Variants in IL1RAPL1 observed in about 807,000 individuals in gnomAD.
IL1RAPL1 encodes the protein interleukin-1 receptor accessory protein-like 1.
Under a neutral mutation model 48.4 loss-of-function variants are expected in IL1RAPL1, and 3 were observed. The ratio of observed to expected loss-of-function variants is 0.06; its 90% CI spans 0.03 to 0.16. The LOEUF (loss-of-function observed/expected upper bound fraction) is 0.16. Among genes scored for constraint, IL1RAPL1 ranks in the 10% least tolerant of loss-of-function variants. The pLI, the probability that IL1RAPL1 is intolerant of heterozygous loss-of-function variation, is 1.00. For synonymous variants in IL1RAPL1, 185 were observed against 187.7 expected, an observed-to-expected ratio of 0.99 and a Z score of 0.12; for missense variants, 349 against 530.6, an observed-to-expected ratio of 0.66 and a Z score of 3.36.
chrX:29,035,859 T>C (rs948820627), intron 2 of IL1RAPL1, among the ~76,000 whole-genome samples: 1 of 111,898 alleles, frequency 8.9e-6, no homozygotes, highest in Non-Finnish European at 1.9e-5. Context: ...CCAAAGCCCG[T>C]GGTGGAAATT....
intron 1 of IL1RAPL1, among the ~76,000 whole-genome samples, chrX:28,645,265 T>G (rs1173449072): frequency 1.0e-5 from 1 of 99,025 alleles, no homozygotes; most frequent in Non-Finnish European, 2.0e-5. Flanking sequence ...GAGAATTGCT[T>G]GAACCCAGGA....
At chrX:29,260,637 A>G (rs921081873) in intron 2 of IL1RAPL1, among the ~76,000 whole-genome samples, 2 of 111,813 alleles carry the variant, frequency 1.8e-5, no homozygotes, top group Non-Finnish European at 3.8e-5. Flanking sequence ...CACACCAATC[A>G]CGTCGGTAAG....
intron 2 of IL1RAPL1, among the ~76,000 whole-genome samples, chrX:29,069,628 A>AACACACACAC (rs56373899): frequency 0.11 from 8,800 of 83,536 alleles, 589 homozygotes; most frequent in Non-Finnish European, 0.15. Flanking sequence ...TTTCCTATAG[A>AACACACACAC]ACACACACAC....
chrX:29,496,469 CTTTTT>C (rs60141942), intron 5 of IL1RAPL1, among the ~76,000 whole-genome samples: 1 of 73,284 alleles, frequency 1.4e-5, no homozygotes, highest in African/African-American at 5.3e-5. Context: ...TTTCTTATTC[CTTTTT>C]TTTTTTTTTT....
intron 2 of IL1RAPL1, among the ~76,000 whole-genome samples, chrX:28,909,162 G>A (rs939003575): frequency 9.0e-6 from 1 of 111,430 alleles, no homozygotes; most frequent in African/African-American, 3.2e-5. Context: ...TTTAATTGGT[G>A]TATTTTGACC....
chrX:28,733,136 T>TTA (rs759306785), intron 1 of IL1RAPL1, among the ~76,000 whole-genome samples: 3,225 of 107,669 alleles, frequency 0.03, 132 homozygotes, highest in African/African-American at 0.1. Context: ...GCACACACAG[T>TTA]TATATATATA....
At chrX:29,647,602 G>C (rs1347838778) in intron 5 of IL1RAPL1, among the ~76,000 whole-genome samples, 1 of 111,240 alleles carries the variant, frequency 9.0e-6, no homozygotes, top group African/African-American at 3.3e-5. Flanking sequence ...CTTATAAAAT[G>C]TTTTTGTAAG....
In IL1RAPL1 at chrX:29,802,901, ATGTG is replaced by A. The variant is rs371073969; in HGVS notation, c.779-114561_779-114558del. On this transcript the variant is annotated intron_variant, in intron 6 of 10. Coordinates refer to ENST00000378993, the MANE Select transcript of IL1RAPL1 (RefSeq NM_014271.4). ...TATATGTATATATGTATACATATATATGTGTATATATGTGTACATATATACATAT... is the reference window on the plus strand; with the variant it reads ...TATATGTATATATGTATACATATATATATATATGTGTACATATATACATAT... 3.1e-3 allele frequency among the ~76,000 whole-genome samples: 98 copies of A among 31,614 alleles called. 4 individuals carry two copies. Among genetic ancestry groups the A allele is most frequent in the African/African-American group, 6.8e-3 (47 of 6,895 alleles). The allele number at this position is 31,614 out of a possible 115,157, so 27.5% of individuals were successfully genotyped here.
intron 6 of IL1RAPL1, among the ~76,000 whole-genome samples, chrX:29,770,704 G>A (rs1411831517): frequency 1.8e-5 from 2 of 112,246 alleles, no homozygotes; most frequent in Middle Eastern, 4.6e-3. Flanking sequence ...GCTAAAGAGC[G>A]TCTGTTACCA....
intron 5 of IL1RAPL1, among the ~76,000 whole-genome samples, chrX:29,517,397 A>G (rs1283893137): frequency 4.5e-5 from 5 of 110,490 alleles, no homozygotes; most frequent in African/African-American, 1.6e-4. Context: ...TCAGCTATCG[A>G]CCTAAACATG....
At chrX:29,629,265 C>A (rs1300188106) in intron 5 of IL1RAPL1, among the ~76,000 whole-genome samples, 1 of 110,923 alleles carries the variant, frequency 9.0e-6, no homozygotes, top group African/African-American at 3.3e-5. Context: ...TTGTCAAAGG[C>A]AGAGAAAAAA....
intron 2 of IL1RAPL1, among the ~76,000 whole-genome samples, chrX:28,955,945 T>A (rs1319107234): frequency 1.0e-5 from 1 of 95,887 alleles, no homozygotes; most frequent in Non-Finnish European, 2.1e-5. Flanking sequence ...TTTATTTCCT[T>A]GAGCAGTGGT....
intron 6 of IL1RAPL1, among the ~76,000 whole-genome samples, chrX:29,777,823 TAATCTTTTTTTACTTGGTAA>T (rs1454665143): frequency 2.4e-4 from 27 of 111,155 alleles, no homozygotes; most frequent in African/African-American, 8.8e-4. Flanking sequence ...TTGTTAATTT[TAATCTTTTTTTACTTGGTAA>T]AAATGCTTTC....
chrX:29,016,453 A>G (rs945991331), intron 2 of IL1RAPL1, among the ~76,000 whole-genome samples: 4 of 111,555 alleles, frequency 3.6e-5, no homozygotes, highest in Non-Finnish European at 5.7e-5. Flanking sequence ...AATCTTCTTA[A>G]AATTCCATAT....
chrX:29,772,410 C>T (rs767277584), intron 6 of IL1RAPL1, among the ~76,000 whole-genome samples: 1 of 110,820 alleles, frequency 9.0e-6, no homozygotes, highest in South Asian at 3.8e-4. Flanking sequence ...ATATCACCAT[C>T]AAAAATTATT....
chrX:29,423,430 T>G (rs1934314790), intron 5 of IL1RAPL1, among the ~76,000 whole-genome samples: 1 of 112,287 alleles, frequency 8.9e-6, no homozygotes, highest in Non-Finnish European at 1.9e-5. Flanking sequence ...AAAAGAAACT[T>G]CTAAATTGAT....
intron 1 of IL1RAPL1, among the ~76,000 whole-genome samples, chrX:28,702,722 A>G (rs1210719519): frequency 9.0e-6 from 1 of 111,581 alleles, no homozygotes; most frequent in Non-Finnish European, 1.9e-5. Flanking sequence ...TCCCACTTGT[A>G]TTATTGATGA....
At chrX:29,032,164 T>C (rs952177350) in intron 2 of IL1RAPL1, among the ~76,000 whole-genome samples, 6 of 112,091 alleles carry the variant, frequency 5.4e-5, no homozygotes, top group Non-Finnish European at 1.1e-4. Flanking sequence ...TTGTCTACTG[T>C]ACCACTTTAG....
intron 6 of IL1RAPL1, among the ~76,000 whole-genome samples, chrX:29,834,651 A>G (rs1601844812): frequency 9.0e-6 from 1 of 110,751 alleles, no homozygotes; most frequent in African/African-American, 3.3e-5. Flanking sequence ...AATAAATAGA[A>G]CATCAAATAT....
Sources: gnomAD v4.1 joint callset for allele counts (sites outside exome capture counted in the v4.1 genomes callset) on GRCh38, gnomAD v4.1.1 for gene constraint, MANE v1.5 for transcripts, NCBI Gene and HGNC (gene_info 2026-07-23, HGNC 2026-07-21) for gene names.